The following GAS2 variants were observed in gnomAD, a reference collection of about 807,000 sequenced individuals.
The protein encoded by GAS2 is growth arrest-specific protein 2.
A neutral mutation model predicts 37.5 loss-of-function variants in GAS2; 20 were observed. The observed-to-expected ratio is 0.53, with a 90% confidence interval of 0.37 to 0.77. GAS2 has a LOEUF of 0.77. Among genes scored for constraint, GAS2 ranks in the 30% least tolerant of loss-of-function variants. The probability of loss-of-function intolerance (pLI) is 0.00; values close to 1 mark genes in which losing one functional copy is unlikely to be tolerated. For synonymous variants in GAS2, 144 were observed against 132.2 expected, an observed-to-expected ratio of 1.09 and a Z score of -0.61; for missense variants, 336 against 373.4, an observed-to-expected ratio of 0.90 and a Z score of 0.82.
rs1039790265 is a variant in GAS2 at position 22,793,660 on chromosome 11, A to G, written c.724-18138A>G. Among the ~76,000 whole-genome samples, 5 of 152,112 alleles carry G rather than the reference A, an allele frequency of 3.3e-5. No individual in the cohort carries two copies. In the South Asian group the frequency reaches 1.0e-3, roughly 31 times the overall value. ...TGAAGGCTTATAATTATTCAGAAGT[A>G]TGTTATAGAAAGGGGAAGATAAAAC... On this transcript the variant is annotated intron_variant, in intron 7 of 7. Transcript: ENST00000454584.
intron 7 of GAS2, among the ~76,000 whole-genome samples, chr11:22,759,272 T>G (rs898190340): frequency 6.6e-6 from 1 of 152,222 alleles, no homozygotes; most frequent in Non-Finnish European, 1.5e-5. Flanking sequence ...GAATAGATAC[T>G]TCCCATACAT....
At chr11:22,807,209 T>A (rs1207429903) in intron 7 of GAS2, among the ~76,000 whole-genome samples, 1 of 152,134 alleles carries the variant, frequency 6.6e-6, no homozygotes, top group Non-Finnish European at 1.5e-5. Context: ...ACTGACTAGG[T>A]CCATAGAGAA....
upstream of GAS2, chr11:22,666,532 C>A (rs910430237): frequency 6.6e-6 from 1 of 152,242 alleles, no homozygotes; most frequent in Non-Finnish European, 1.5e-5. Flanking sequence ...GGAATTGCTG[C>A]CAAGGGCTTG....
intron 7 of GAS2, among the ~76,000 whole-genome samples, chr11:22,771,052 G>A (rs1342253969): frequency 6.6e-6 from 1 of 151,708 alleles, no homozygotes; most frequent in Non-Finnish European, 1.5e-5. Flanking sequence ...CCTTCAATCA[G>A]TTGAGGGAAG....
At chr11:22,698,729 A>G (rs981735182) in intron 3 of GAS2, among the ~76,000 whole-genome samples, 3 of 152,178 alleles carry the variant, frequency 2.0e-5, no homozygotes, top group African/African-American at 4.8e-5. Flanking sequence ...GCAAATCAAT[A>G]AATGTAATCC....
At chr11:22,710,282 T>TA (rs1224334079) in intron 3 of GAS2, among the ~76,000 whole-genome samples, 12 of 152,138 alleles carry the variant, frequency 7.9e-5, no homozygotes, top group African/African-American at 2.9e-4. Flanking sequence ...ATCCATCTAT[T>TA]AAAAAATCTT....
intron 7 of GAS2, among the ~76,000 whole-genome samples, chr11:22,776,496 C>T (rs1290819924): frequency 2.6e-5 from 4 of 152,120 alleles, no homozygotes; most frequent in South Asian, 2.1e-4. Flanking sequence ...GTGGCAGCTT[C>T]GGCCAGAGTG....
chr11:22,641,080 G>T (rs1858904416), intron 1 of GAS2, among the ~76,000 whole-genome samples: 1 of 150,928 alleles, frequency 6.6e-6, no homozygotes, highest in Admixed American at 6.7e-5. Context: ...TTGCACTCTG[G>T]CTTTTTTTTG....
chr11:22,747,415 T>A (rs540349058), intron 5 of GAS2, among the ~76,000 whole-genome samples: 2 of 152,268 alleles, frequency 1.3e-5, no homozygotes, highest in Admixed American at 6.5e-5. Context: ...TTTTAGCAAG[T>A]GATATCTATG....
intron 3 of GAS2, among the ~76,000 whole-genome samples, chr11:22,721,163 T>C (rs1851929263): frequency 6.6e-6 from 1 of 151,992 alleles, no homozygotes; most frequent in African/African-American, 2.4e-5. Context: ...GTGAACGTTG[T>C]GTACCTAGAG....
chr11:22,718,486 A>G (rs1426990738), intron 3 of GAS2, among the ~76,000 whole-genome samples: 1 of 151,630 alleles, frequency 6.6e-6, no homozygotes, highest in Non-Finnish European at 1.5e-5. Flanking sequence ...GCATAAGAAT[A>G]ATATAATGGA....
intron 3 of GAS2, among the ~76,000 whole-genome samples, chr11:22,697,896 A>T (rs903429259): frequency 6.6e-6 from 1 of 152,154 alleles, no homozygotes; most frequent in African/African-American, 2.4e-5. Flanking sequence ...GCAAACAGGG[A>T]CAATTTGACT....
intron 6 of GAS2, among the ~76,000 whole-genome samples, chr11:22,752,351 T>G (rs988553435): frequency 6.6e-6 from 1 of 152,012 alleles, no homozygotes; most frequent in African/African-American, 2.4e-5. Flanking sequence ...GATAGGTTTT[T>G]TTTTACTGAA....
chr11:22,751,689 G>C (rs972033563), intron 6 of GAS2, among the ~76,000 whole-genome samples: 1 of 151,966 alleles, frequency 6.6e-6, no homozygotes, highest in Non-Finnish European at 1.5e-5. Flanking sequence ...AAGTAGCTAG[G>C]ATGATTTTCT....
chr11:22,736,690 G>A (rs1039017725), intron 4 of GAS2, among the ~76,000 whole-genome samples: 9 of 151,872 alleles, frequency 5.9e-5, no homozygotes, highest in South Asian at 2.1e-4. Context: ...AAATTATTAC[G>A]GAATTCTGTG....
At chr11:22,686,310 T>C (rs1499245) in intron 3 of GAS2, among the ~76,000 whole-genome samples, 56,565 of 151,990 alleles carry the variant, frequency 0.37, 11,505 homozygotes, top group African/African-American at 0.55. Flanking sequence ...TAATATTCTT[T>C]TCTAGTGATT....
chr11:22,641,276 ATATATC>A (rs1848624954), intron 1 of GAS2, among the ~76,000 whole-genome samples: 1 of 137,290 alleles, frequency 7.3e-6, no homozygotes, highest in Non-Finnish European at 1.5e-5. Flanking sequence ...ATATCTTTAT[ATATATC>A]TATATCTTTA....
intron 3 of GAS2, among the ~76,000 whole-genome samples, chr11:22,721,506 G>A (rs777598388): frequency 6.6e-6 from 1 of 151,952 alleles, no homozygotes; most frequent in Non-Finnish European, 1.5e-5. Context: ...GATTTAGGAG[G>A]GAAGCTAGTC....
chr11:22,809,829 G>A (rs1343743831), intron 7 of GAS2, among the ~76,000 whole-genome samples: 4 of 151,994 alleles, frequency 2.6e-5, no homozygotes, highest in South Asian at 2.1e-4. Flanking sequence ...AGTTCTATGC[G>A]ACACTTGAGC....
Sources: allele counts gnomAD v4.1 joint callset (sites outside exome capture counted in the v4.1 genomes callset), GRCh38; gene constraint gnomAD v4.1.1; transcripts MANE v1.5; gene names NCBI Gene and HGNC (gene_info 2026-07-23, HGNC 2026-07-21).